SH3RF2: variants seen among roughly 807,000 people sequenced by gnomAD.
SH3RF2 encodes the protein E3 ubiquitin-protein ligase SH3RF2.
A neutral mutation model predicts 59.0 loss-of-function variants in SH3RF2; 43 were observed. That is an observed-to-expected ratio of 0.73 (90% confidence interval 0.57 to 0.94). The LOEUF is 0.94. Ranked by LOEUF, SH3RF2 falls within the 40% of genes least tolerant of loss-of-function variation. SH3RF2 has a pLI of 0.00. For synonymous variants in SH3RF2, 391 were observed against 391.5 expected (o/e 1.00, Z 0.01); for missense variants, 930 against 940.1 (o/e 0.99, Z 0.14).
At chr5:146,020,262 C>T (rs1261979553) in intron 5 of SH3RF2, among the ~76,000 whole-genome samples, 1 of 152,146 alleles carries the variant, frequency 6.6e-6, no homozygotes, top group African/African-American at 2.4e-5. Context: ...GGCTACAGTT[C>T]ACTTCCTGGT....
At chr5:145,946,598 T>C (rs1255606061) in intron 2 of SH3RF2, among the ~76,000 whole-genome samples, 1 of 152,302 alleles carries the variant, frequency 6.6e-6, no homozygotes, top group Non-Finnish European at 1.5e-5. Flanking sequence ...AAATACCTTT[T>C]TGGGTGATGA....
intron 5 of SH3RF2, among the ~76,000 whole-genome samples, chr5:146,037,937 G>A (rs1454396183): frequency 6.6e-6 from 1 of 152,130 alleles, no homozygotes; most frequent in African/African-American, 2.4e-5. Flanking sequence ...TCAAGTATAT[G>A]TTAGGAAAAC....
Position 146,062,566 on chromosome 5 carries a change from G to A in SH3RF2, c.2055G>A (p.Met685Ile), listed in dbSNP as rs765083389. The change falls in exon 10 of 10, where the codon ATG (methionine) becomes ATA (isoleucine). Residue 685 changes from methionine (M) to isoleucine (I), a missense_variant. By Grantham distance (10) the Met-to-Ile change is conservative (BLOSUM62 1). Coordinates refer to ENST00000359120, the MANE Select transcript of SH3RF2 (RefSeq NM_152550.4). ...QPEAASLGPEMTVLFAHRSGC... is the reference protein window; with the variant it reads ...QPEAASLGPEITVLFAHRSGC... ...AAGCAGCGTCCTTGGGCCCAGAGAT[G>A]ACCGTCCTATTTGCCCACCGAAGTG... The A allele has an allele frequency of 5.0e-6, 8 of 1,614,010 alleles. No homozygotes were observed. In the East Asian group the frequency reaches 1.8e-4, roughly 36 times the overall value.
intron 2 of SH3RF2, among the ~76,000 whole-genome samples, chr5:145,969,459 C>A (rs1012044810): frequency 6.6e-6 from 1 of 152,100 alleles, no homozygotes; most frequent in African/African-American, 2.4e-5. Context: ...GTCCCAGATA[C>A]CCCTGCATCA....
At chr5:146,034,684 A>T (rs942527769) in intron 5 of SH3RF2, among the ~76,000 whole-genome samples, 1 of 152,312 alleles carries the variant, frequency 6.6e-6, no homozygotes, top group Admixed American at 6.5e-5. Context: ...AGTGATAATA[A>T]TTCAGAAGAT....
chr5:145,970,507 T>C (rs1561716437), intron 2 of SH3RF2, among the ~76,000 whole-genome samples: 1 of 152,224 alleles, frequency 6.6e-6, no homozygotes, highest in Non-Finnish European at 1.5e-5. Context: ...ACATTTTCTT[T>C]ATCCAGTCAT....
At chr5:145,960,602 T>G (rs982032286) in intron 2 of SH3RF2, among the ~76,000 whole-genome samples, 17 of 152,226 alleles carry the variant, frequency 1.1e-4, no homozygotes, top group Admixed American at 1.0e-3. Flanking sequence ...TCCTAGTGTC[T>G]GAAATATTTC....
chr5:146,027,128 G>T (rs986170087), intron 5 of SH3RF2, among the ~76,000 whole-genome samples: 6 of 152,216 alleles, frequency 3.9e-5, no homozygotes, highest in East Asian at 3.8e-4. Context: ...AAGCCCCTTT[G>T]CTTTCTTGAT....
intron 9 of SH3RF2, among the ~76,000 whole-genome samples, chr5:146,069,310 G>A (rs953626544): frequency 6.6e-6 from 1 of 152,130 alleles, no homozygotes; most frequent in Non-Finnish European, 1.5e-5. Context: ...ATCTGTTTTG[G>A]GAGACCTTGT....
chr5:146,062,304 C>A, intron 9 of SH3RF2, 122 bp from the exon 10 acceptor site: 1 of 1,267,206 alleles, frequency 7.9e-7, no homozygotes, highest in South Asian at 1.4e-5. Context: ...ACTTGACACT[C>A]ATGGTAGCCA....
At chr5:145,962,283 G>A (rs1026492053) in intron 2 of SH3RF2, among the ~76,000 whole-genome samples, 1 of 152,146 alleles carries the variant, frequency 6.6e-6, no homozygotes, top group East Asian at 1.9e-4. Context: ...AGGAGAGATG[G>A]CTCACAAAAG....
At chr5:146,074,307 T>C (rs1305110414) in intron 9 of SH3RF2, among the ~76,000 whole-genome samples, 1 of 152,156 alleles carries the variant, frequency 6.6e-6, no homozygotes, top group Non-Finnish European at 1.5e-5. Flanking sequence ...GAATGAACAA[T>C]TGGAGAATAA....
intron 2 of SH3RF2, among the ~76,000 whole-genome samples, chr5:145,990,707 A>G (rs1199319007): frequency 6.6e-6 from 1 of 152,244 alleles, no homozygotes; most frequent in Non-Finnish European, 1.5e-5. Flanking sequence ...TGAATTACAA[A>G]AGCATAGAGT....
intron 2 of SH3RF2, among the ~76,000 whole-genome samples, chr5:145,942,899 T>C (rs1757872556): frequency 6.6e-6 from 1 of 152,210 alleles, no homozygotes; most frequent in Non-Finnish European, 1.5e-5. Flanking sequence ...TGAAGTGGGC[T>C]GTATTTGTGC....
intron 4 of SH3RF2, among the ~76,000 whole-genome samples, chr5:146,006,720 A>T (rs1376021555): frequency 6.6e-6 from 1 of 152,214 alleles, no homozygotes; most frequent in African/African-American, 2.4e-5. Context: ...TATAGTCAGG[A>T]TAGGCTAGGT....
At chr5:146,023,176 A>G (rs1291570447) in intron 5 of SH3RF2, among the ~76,000 whole-genome samples, 1 of 151,442 alleles carries the variant, frequency 6.6e-6, no homozygotes, top group Admixed American at 6.6e-5. Flanking sequence ...GTGATAATAC[A>G]TTCCTCTCTA....
chr5:146,028,912 C>T (rs1372439458), intron 5 of SH3RF2, among the ~76,000 whole-genome samples: 1 of 152,202 alleles, frequency 6.6e-6, no homozygotes, highest in African/African-American at 2.4e-5. Flanking sequence ...CACGAACGCG[C>T]TCCTAGCTGG....
At chr5:145,980,268 C>A (rs1240048677) in intron 2 of SH3RF2, among the ~76,000 whole-genome samples, 7 of 152,202 alleles carry the variant, frequency 4.6e-5, no homozygotes, top group Non-Finnish European at 1.0e-4. Context: ...TTCCTCCCCT[C>A]CCCAAATTAA....
Position 146,060,126 on chromosome 5 carries a change from GA to G in SH3RF2, c.1819del (p.Ile607SerfsTer21). ...AASSLIMEDK[E>X]IPIKSEPLPK... ...CAGCTCCCTCATTATGGAAGACAAAGAAATCCCCATCAAGAGTGAGCCTCTG... is the reference window on the plus strand; with the variant it reads ...CAGCTCCCTCATTATGGAAGACAAAGAATCCCCATCAAGAGTGAGCCTCTG... On this transcript the variant is annotated frameshift_variant, in exon 9 of 10. Coordinates refer to ENST00000359120, the MANE Select transcript of SH3RF2 (RefSeq NM_152550.4). LOFTEE classifies it high-confidence loss of function. 1 of 1,614,116 alleles carries G rather than the reference GA, an allele frequency of 6.2e-7. No homozygotes were observed. Among genetic ancestry groups the G allele is most frequent in the South Asian group, 1.1e-5 (1 of 91,068 alleles).
Sources: allele counts gnomAD v4.1 joint callset (sites outside exome capture counted in the v4.1 genomes callset), GRCh38; gene constraint gnomAD v4.1.1; transcripts MANE v1.5; gene names NCBI Gene and HGNC (gene_info 2026-07-23, HGNC 2026-07-21).